PCDHA3: variants seen among roughly 807,000 people sequenced by gnomAD.
PCDHA3 encodes protocadherin alpha-3.
A neutral mutation model predicts 62.2 loss-of-function variants in PCDHA3; 41 were observed. The ratio of observed to expected loss-of-function variants is 0.66; its 90% CI spans 0.51 to 0.86. PCDHA3 has a LOEUF of 0.86. PCDHA3 is among the 40% of genes least tolerant of loss of function. PCDHA3 has a pLI of 0.00. For missense variants in PCDHA3, 1,304 were observed against 1,241.2 expected (o/e 1.05, Z -0.76); for synonymous variants, 640 against 555.4 (o/e 1.15, Z -2.14).
intron 1 of PCDHA3, among the ~76,000 whole-genome samples, chr5:140,837,994 C>A (rs1460349736): frequency 2.0e-5 from 3 of 150,494 alleles, no homozygotes. Context: ...TTCATCTTTC[C>A]TTTTTTTTAA....
At chr5:140,836,283 A>T (rs2150256812) in intron 1 of PCDHA3, 1 of 1,613,716 alleles carries the variant, frequency 6.2e-7, no homozygotes, top group South Asian at 1.1e-5. Context: ...GATCAGCACG[A>T]CACGAGCCCT....
intron 1 of PCDHA3, chr5:140,835,562 T>C (rs1470356959): frequency 6.8e-6 from 11 of 1,613,922 alleles, no homozygotes; most frequent in Non-Finnish European, 8.5e-6. Flanking sequence ...CGCCCCGCGT[T>C]CCCTTCAAGT....
chr5:140,803,527 C>T lies in PCDHA3; in HGVS notation c.2330C>T (p.Pro777Leu). 6.2e-7 allele frequency: 1 copy of T among 1,614,232 alleles called. No homozygotes were observed. The highest frequency in any genetic ancestry group is 8.5e-7 in the Non-Finnish European group (1 of 1,180,044). Residue 777 changes from proline (P) to leucine (L), a missense_variant, in exon 1 of 4, where the codon CCT (proline) becomes CTT (leucine). Pro to Leu is a moderately conservative substitution (Grantham distance 98). Transcript: ENST00000522353. ...TDLMAFSPSLPPCPISRDREE... is the reference protein window; with the variant it reads ...TDLMAFSPSLLPCPISRDREE... Reference sequence around the variant, plus strand: ...CTCATGGCTTTTAGCCCTAGCCTTCCTCCTTGTCCAATTAGCCGGGATAGA... The same window carrying T: ...CTCATGGCTTTTAGCCCTAGCCTTCTTCCTTGTCCAATTAGCCGGGATAGA...
At position 140,858,438 on chromosome 5, in the gene PCDHA3, TG is replaced by T; in HGVS notation, c.2394+54850del. ...ATTGGAGGGGACCACTCTAGGAAGG[TG>T]GGTTATTACGTTTTCATTTTCCTTT... On this transcript the variant is annotated intron_variant, in intron 1 of 3. Transcript: ENST00000522353. 1 of 1,540,928 alleles carries T rather than the reference TG, an allele frequency of 6.5e-7. No individual in the cohort carries two copies. The highest frequency in any genetic ancestry group is 8.8e-7 in the Non-Finnish European group (1 of 1,134,396).
chr5:140,963,770 C>T (rs1296794666), intron 1 of PCDHA3, among the ~76,000 whole-genome samples: 2 of 152,176 alleles, frequency 1.3e-5, no homozygotes, highest in Non-Finnish European at 2.9e-5. Context: ...TATTTCATGA[C>T]GACAGCAACA....
chr5:140,861,303 G>A (rs1290097316), intron 1 of PCDHA3: 2 of 189,476 alleles, frequency 1.1e-5, no homozygotes, highest in Non-Finnish European at 2.2e-5. Context: ...TGTGAAGCGG[G>A]AAAGGACCAG....
chr5:140,988,411 A>T (rs2097296392), intron 3 of PCDHA3, among the ~76,000 whole-genome samples: 1 of 152,144 alleles, frequency 6.6e-6, no homozygotes, highest in Non-Finnish European at 1.5e-5. Flanking sequence ...TTCGCAGCTT[A>T]TGTAAAGAAT....
At chr5:140,807,284 T>C in intron 1 of PCDHA3, 1 of 1,614,248 alleles carries the variant, frequency 6.2e-7, no homozygotes, top group Non-Finnish European at 8.5e-7. Context: ...TCAGCTCCAC[T>C]ACTCGGTCTC....
At chr5:140,807,597 A>T (rs144914662) in intron 1 of PCDHA3, 76 of 1,614,090 alleles carry the variant, frequency 4.7e-5, no homozygotes, top group Non-Finnish European at 5.8e-5. Context: ...CCAGCAACAC[A>T]AAAGAACCTG....
chr5:141,011,894 TATC>T lies in PCDHA3; in HGVS notation c.*1958_*1960del, dbSNP rs1554263691. 6.5e-6 allele frequency: 1 copy of T among 153,306 alleles called. No individual in the cohort carries two copies. The highest frequency in any genetic ancestry group is 2.4e-5 in the African/African-American group (1 of 41,080). 9.5% of individuals were successfully genotyped at this position (153,306 alleles called of 1,614,324 possible). On this transcript the variant is annotated 3_prime_UTR_variant, in exon 4 of 4. Transcript: ENST00000522353. Reference sequence around the variant, plus strand: ...AATTTAGAAGTTTGATTAATTATATTATCTATTTAGGCATTAATATAAAAGAGG... The same window carrying T: ...AATTTAGAAGTTTGATTAATTATATTTATTTAGGCATTAATATAAAAGAGG...
intron 1 of PCDHA3, among the ~76,000 whole-genome samples, chr5:140,944,214 G>T (rs72801002): frequency 0.015 from 2,290 of 152,232 alleles, 30 homozygotes; most frequent in Non-Finnish European, 0.021. Context: ...TTTAAAGAGG[G>T]TTTTACTCTG....
intron 1 of PCDHA3, chr5:140,822,989 CGTT>C (rs2150121099): frequency 1.5e-5 from 24 of 1,614,244 alleles, no homozygotes; most frequent in Non-Finnish European, 2.0e-5. Context: ...AATTACTACT[CGTT>C]GGTGCTGGAC....
chr5:140,933,137 A>C (rs1378585369), intron 1 of PCDHA3, among the ~76,000 whole-genome samples: 1 of 151,994 alleles, frequency 6.6e-6, no homozygotes, highest in African/African-American at 2.4e-5. Context: ...ATAAAGGTAG[A>C]TAGCCACTCA....
chr5:140,850,244 G>C, intron 1 of PCDHA3: 1 of 1,593,676 alleles, frequency 6.3e-7, no homozygotes, highest in Non-Finnish European at 8.6e-7. Flanking sequence ...TGGTGCTGCG[G>C]TCGGTGGGCG....
At chr5:140,989,829 C>A (rs1554251113) in intron 3 of PCDHA3, among the ~76,000 whole-genome samples, 3 of 152,124 alleles carry the variant, frequency 2.0e-5, no homozygotes, top group Non-Finnish European at 2.9e-5. Context: ...TGCCAGGAAG[C>A]CTGTCAATGA....
At chr5:141,008,512 C>A (rs1006553111) in intron 3 of PCDHA3, among the ~76,000 whole-genome samples, 2 of 152,094 alleles carry the variant, frequency 1.3e-5, no homozygotes, top group Non-Finnish European at 2.9e-5. Context: ...GGTGTGTCTT[C>A]CAATCAGACT....
intron 1 of PCDHA3, among the ~76,000 whole-genome samples, chr5:140,941,602 A>G (rs1364169026): frequency 1.3e-5 from 2 of 151,994 alleles, no homozygotes; most frequent in African/African-American, 4.8e-5. Flanking sequence ...GCCATGAGCC[A>G]TGGTGCCCAG....
chr5:140,883,083 G>A (rs267600402), intron 1 of PCDHA3: 8 of 1,614,082 alleles, frequency 5.0e-6, no homozygotes, highest in Non-Finnish European at 6.8e-6. Flanking sequence ...CCTGATGATG[G>A]TACAAATGGA....
At chr5:140,876,653 C>G in intron 1 of PCDHA3, 1 of 1,614,200 alleles carries the variant, frequency 6.2e-7, no homozygotes, top group Non-Finnish European at 8.5e-7. Flanking sequence ...CCTCATGTTC[C>G]CTTCAAGCTG....
Sources: allele counts gnomAD v4.1 joint callset (sites outside exome capture counted in the v4.1 genomes callset), GRCh38; gene constraint gnomAD v4.1.1; transcripts MANE v1.5; gene names NCBI Gene and HGNC (gene_info 2026-07-23, HGNC 2026-07-21).